KLHL7: variants seen among roughly 807,000 people sequenced by gnomAD.
KLHL7 encodes the protein kelch-like protein 7.
In KLHL7, 44 loss-of-function variants were observed where a neutral mutation model predicts 67.4. The observed-to-expected ratio is 0.65, with a 90% confidence interval of 0.51 to 0.84. The LOEUF is 0.84. Among genes scored for constraint, KLHL7 ranks in the 40% least tolerant of loss-of-function variants. The pLI is 0.00. For missense variants in KLHL7, 362 were observed against 718.1 expected (o/e 0.50, Z 5.67); for synonymous variants, 252 against 243.3 (o/e 1.04, Z -0.33).
intron 1 of KLHL7, among the ~76,000 whole-genome samples, chr7:23,113,169 GAAGGAGTAAGA>G (rs1782945791): frequency 6.6e-6 from 1 of 152,096 alleles, no homozygotes; most frequent in Non-Finnish European, 1.5e-5. Context: ...CTGCTAAAAT[GAAGGAGTAAGA>G]AGGCAAAGCT....
At position 23,105,876 on chromosome 7, in the gene KLHL7, A is replaced by T; in HGVS notation, c.-151A>T. ...CGGCCTTGTCTTTCGGCAGTGGCCGAGCCACCGCCGCCTGCCGCGCGTTCC... is the reference window on the plus strand; with the variant it reads ...CGGCCTTGTCTTTCGGCAGTGGCCGTGCCACCGCCGCCTGCCGCGCGTTCC... On this transcript the variant is annotated 5_prime_UTR_variant, in exon 1 of 11. Coordinates refer to ENST00000339077, the MANE Select transcript of KLHL7 (RefSeq NM_001031710.3). 8.2e-7 allele frequency: 1 copy of T among 1,216,990 alleles called. No homozygotes were observed. Among genetic ancestry groups the T allele is most frequent in the South Asian group, 1.3e-5 (1 of 76,866 alleles). The allele number at this position is 1,216,990 out of a possible 1,614,324, so 75.4% of individuals were successfully genotyped here.
At chr7:23,129,428 C>A in intron 4 of KLHL7, 1 of 379,888 alleles carries the variant, frequency 2.6e-6, no homozygotes. Flanking sequence ...AAAATCTCAC[C>A]TAATATAGCT....
intron 9 of KLHL7, among the ~76,000 whole-genome samples, chr7:23,170,801 G>A (rs1451933464): frequency 6.6e-6 from 1 of 152,024 alleles, no homozygotes; most frequent in East Asian, 1.9e-4. Flanking sequence ...TTTTAAAAAA[G>A]ATGGAGAGGA....
Position 23,105,929 on chromosome 7 carries a change from G to A in KLHL7, c.-98G>A. The stretch of plus-strand genomic sequence containing the variant: ...AGCTGGGCGCTGCAGCTGCACTGCC[G>A]ATCGCCGTGTTTGGTCGATAGAATC... On this transcript the variant is annotated 5_prime_UTR_variant, in exon 1 of 11. Coordinates refer to ENST00000339077, the MANE Select transcript of KLHL7 (RefSeq NM_001031710.3). 1.3e-6 allele frequency: 2 copies of A among 1,527,096 alleles called. No homozygotes were observed. Among genetic ancestry groups the A allele is most frequent in the Non-Finnish European group, 1.8e-6 (2 of 1,135,014 alleles). 94.6% of individuals were successfully genotyped at this position (1,527,096 alleles called of 1,614,324 possible). A position where few individuals can be genotyped will look rare whatever the true frequency, so the allele number is the denominator to read the frequency against.
At chr7:23,125,194 T>A in intron 4 of KLHL7, 22 bp downstream of exon 4, 1 of 1,610,734 alleles carries the variant, frequency 6.2e-7, no homozygotes, top group East Asian at 2.2e-5. Flanking sequence ...CAGATTCCTG[T>A]TGTGTGTTTA....
intron 4 of KLHL7, chr7:23,125,710 T>G (rs1372176178): frequency 5.6e-6 from 8 of 1,434,202 alleles, no homozygotes; most frequent in Non-Finnish European, 7.3e-6. Flanking sequence ...ACTGAGGGAC[T>G]GCTATAGCCA....
intron 6 of KLHL7, among the ~76,000 whole-genome samples, chr7:23,145,739 T>G (rs994722244): frequency 1.3e-5 from 2 of 152,198 alleles, no homozygotes; most frequent in Admixed American, 6.5e-5. Flanking sequence ...TGTATTTGTT[T>G]TATTTTACTT....
chr7:23,116,906 G>A (rs1478625991), intron 1 of KLHL7, among the ~76,000 whole-genome samples: 4 of 151,990 alleles, frequency 2.6e-5, no homozygotes, highest in Non-Finnish European at 5.9e-5. Context: ...ATATCACCTT[G>A]AAAATTACTT....
chr7:23,155,669 AAAAC>A (rs1562584418), intron 7 of KLHL7, among the ~76,000 whole-genome samples: 12 of 35,680 alleles, frequency 3.4e-4, no homozygotes, highest in African/African-American at 4.2e-4. Context: ...CCAAAAAAAC[AAAAC>A]AAAACAAAAC....
At chr7:23,112,525 CAGA>C (rs1305956146) in intron 1 of KLHL7, among the ~76,000 whole-genome samples, 2 of 151,996 alleles carry the variant, frequency 1.3e-5, no homozygotes, top group African/African-American at 2.4e-5. Context: ...AAGGAATCAC[CAGA>C]AGAATAGGAG....
At chr7:23,113,758 G>A (rs577296551) in intron 1 of KLHL7, among the ~76,000 whole-genome samples, 4 of 152,240 alleles carry the variant, frequency 2.6e-5, no homozygotes, top group Admixed American at 1.3e-4. Context: ...CCCAGGAGGC[G>A]GAAGTTGTTG....
rs772176409 is a variant in KLHL7, at chr7:23,124,668, G to A, written c.224-20G>A. The A allele has an allele frequency of 6.0e-6, 9 of 1,500,732 alleles. No individual in the cohort carries two copies. Among genetic ancestry groups the A allele is most frequent in the South Asian group, 1.1e-5 (1 of 88,752 alleles). The allele number at this position is 1,500,732 out of a possible 1,614,324, so 93.0% of individuals were successfully genotyped here. A position where few individuals can be genotyped will look rare whatever the true frequency, so the allele number is the denominator to read the frequency against. On this transcript the variant is annotated intron_variant, in intron 2 of 10. Transcript: ENST00000339077. ...TTGTGGTAGTACAGATGCCATTTAT[G>A]TTTCTTCTCTTCATTGTAGCTAACA...
chr7:23,162,710 A>T (rs1784885566), intron 7 of KLHL7, among the ~76,000 whole-genome samples: 1 of 152,208 alleles, frequency 6.6e-6, no homozygotes, highest in African/African-American at 2.4e-5. Flanking sequence ...CATCTACATA[A>T]ATTTGCTTTT....
chr7:23,129,665 G>C (rs1047695965), intron 4 of KLHL7: 1 of 166,836 alleles, frequency 6.0e-6, no homozygotes, highest in African/African-American at 2.4e-5. Flanking sequence ...TAATAGACCA[G>C]AGACACAGTT....
At chr7:23,117,818 C>G in intron 1 of KLHL7, 1 of 1,594,944 alleles carries the variant, frequency 6.3e-7, no homozygotes, top group South Asian at 1.1e-5. Flanking sequence ...GGCCTCATTT[C>G]CCTTTATGTT....
At position 23,175,448 on chromosome 7, in the gene KLHL7, A is replaced by G. The variant is rs1245300342; in HGVS notation, c.*1150A>G. ...AGGCCACTCAGTTTGTTCTTCAAGT[A>G]TTTTAGGTAATGGTTGTTTTTAGAA... is the stretch of plus-strand genomic sequence containing the variant. On this transcript the variant is annotated 3_prime_UTR_variant, in exon 11 of 11. Coordinates refer to ENST00000339077, the MANE Select transcript of KLHL7 (RefSeq NM_001031710.3). The G allele has an allele frequency of 7.3e-6, 3 of 411,084 alleles. No individual in the cohort carries two copies. The highest frequency in any genetic ancestry group is 1.4e-5 in the Non-Finnish European group (3 of 212,848). The allele number at this position is 411,084 out of a possible 1,614,324, so 25.5% of individuals were successfully genotyped here.
intron 9 of KLHL7, among the ~76,000 whole-genome samples, chr7:23,171,793 T>C (rs1282356054): frequency 6.6e-6 from 1 of 152,240 alleles, no homozygotes; most frequent in Non-Finnish European, 1.5e-5. Flanking sequence ...CACTGCAAGC[T>C]CCGCCTCCTG....
At chr7:23,151,825 T>C (rs1247538711) in intron 6 of KLHL7, among the ~76,000 whole-genome samples, 1 of 152,066 alleles carries the variant, frequency 6.6e-6, no homozygotes, top group Non-Finnish European at 1.5e-5. Context: ...TGGTACATAG[T>C]AGTTGCTTAC....
At chr7:23,159,639 C>G (rs1784805414) in intron 7 of KLHL7, among the ~76,000 whole-genome samples, 1 of 152,194 alleles carries the variant, frequency 6.6e-6, no homozygotes, top group East Asian at 1.9e-4. Flanking sequence ...TCAAGCAGTC[C>G]TCTCACCTCA....
Sources: gnomAD v4.1 joint callset for allele counts (sites outside exome capture counted in the v4.1 genomes callset) on GRCh38, gnomAD v4.1.1 for gene constraint, MANE v1.5 for transcripts, NCBI Gene and HGNC (gene_info 2026-07-23, HGNC 2026-07-21) for gene names.